ZNF609: variants seen among roughly 807,000 people sequenced by gnomAD.
ZNF609 encodes the protein zinc finger protein 609.
In ZNF609, 11 loss-of-function variants were observed where a neutral mutation model predicts 109.5. That is an observed-to-expected ratio of 0.10 (90% CI 0.06 to 0.17). ZNF609 has a LOEUF of 0.17. ZNF609 is among the 10% of genes least tolerant of loss of function. The pLI, the probability that ZNF609 is intolerant of heterozygous loss-of-function variation, is 1.00. For synonymous variants in ZNF609, 646 were observed against 662.0 expected, an observed-to-expected ratio of 0.98 and a Z score of 0.37; for missense variants, 1,559 against 1,772.4, an observed-to-expected ratio of 0.88 and a Z score of 2.16.
At chr15:64,538,933 C>A (rs1894198265) in intron 2 of ZNF609, among the ~76,000 whole-genome samples, 1 of 152,160 alleles carries the variant, frequency 6.6e-6, no homozygotes. Flanking sequence ...TTCCTGGGCT[C>A]ACGCAATCGT....
chr15:64,531,461 A>C (rs1894059799), intron 2 of ZNF609, among the ~76,000 whole-genome samples: 1 of 152,196 alleles, frequency 6.6e-6, no homozygotes, highest in Non-Finnish European at 1.5e-5. Context: ...CAGTGGCGAC[A>C]ATCATGGCTC....
intron 2 of ZNF609, among the ~76,000 whole-genome samples, chr15:64,542,343 T>C (rs572032210): frequency 6.6e-6 from 1 of 152,292 alleles, no homozygotes; most frequent in South Asian, 2.1e-4. Flanking sequence ...ATTTTTCAAG[T>C]AGTTAATGTG....
chr15:64,585,127 C>T (rs1895175162), intron 2 of ZNF609, among the ~76,000 whole-genome samples: 1 of 151,584 alleles, frequency 6.6e-6, no homozygotes, highest in South Asian at 2.1e-4. Context: ...GAGTTTGAGA[C>T]CATCCTGGCC....
At chr15:64,509,603 A>G (rs1463043372) in intron 2 of ZNF609, among the ~76,000 whole-genome samples, 1 of 152,234 alleles carries the variant, frequency 6.6e-6, no homozygotes, top group East Asian at 1.9e-4. Flanking sequence ...AGATTGATTC[A>G]GAGCATTTGG....
intron 2 of ZNF609, chr15:64,529,285 G>C (rs1894019338): frequency 1.4e-6 from 1 of 716,092 alleles, no homozygotes; most frequent in Admixed American, 1.8e-5. Context: ...ACAAACATGG[G>C]GGCATCAACA....
intron 2 of ZNF609, among the ~76,000 whole-genome samples, chr15:64,547,880 C>A (rs1309625093): frequency 2.0e-5 from 3 of 152,050 alleles, no homozygotes; most frequent in Non-Finnish European, 4.4e-5. Flanking sequence ...TGAGGCAAAG[C>A]AGGAGGACGG....
rs142278691 is a variant in ZNF609, at chr15:64,645,717, G to GT, written c.973+22666dup. On this transcript the variant is annotated intron_variant, in intron 3 of 9. Coordinates refer to ENST00000326648, the MANE Select transcript of ZNF609 (RefSeq NM_015042.2). ...CAAACAACCTAATTCAAAAATGCGC[G>GT]TAAGACTTGAATAGACATTTTGCCA... Among the ~76,000 whole-genome samples, 1,355 of 152,134 alleles carry GT rather than the reference G, an allele frequency of 8.9e-3. 23 individuals are homozygous for GT. The highest frequency in any genetic ancestry group is 0.031 in the African/African-American group (1,290 of 41,518).
chr15:64,563,986 C>A (rs796783015), intron 2 of ZNF609, among the ~76,000 whole-genome samples: 1 of 151,972 alleles, frequency 6.6e-6, no homozygotes, highest in Admixed American at 6.6e-5. Context: ...TGGGTTCAAG[C>A]GATTCTCCTG....
At chr15:64,573,477 C>A (rs1163946672) in intron 2 of ZNF609, among the ~76,000 whole-genome samples, 1 of 150,890 alleles carries the variant, frequency 6.6e-6, no homozygotes, top group Non-Finnish European at 1.5e-5. Flanking sequence ...GCCTCAGCCT[C>A]CCGAGTAGCT....
chr15:64,670,294 C>T (rs1471134416), intron 3 of ZNF609, 52 bp from the exon 4 acceptor site: 15 of 1,441,898 alleles, frequency 1.0e-5, no homozygotes, highest in South Asian at 2.3e-5. Flanking sequence ...ATACTATTCT[C>T]AGTGGCAAAT....
At chr15:64,637,062 G>A (rs1896187349) in intron 3 of ZNF609, among the ~76,000 whole-genome samples, 1 of 151,960 alleles carries the variant, frequency 6.6e-6, no homozygotes, top group African/African-American at 2.4e-5. Context: ...CCTTCTAATA[G>A]CTAGCCCTTC....
Position 64,681,382 on chromosome 15 carries a change from AGAAT to A in ZNF609, c.*2_*5del. 6.2e-7 allele frequency: 1 copy of A among 1,613,560 alleles called. No homozygotes were observed. The highest frequency in any genetic ancestry group is 1.3e-5 in the African/African-American group (1 of 75,000). ...CACTCTACCCACCCCCCAGGAGGTG[AGAAT>A]GGTAAGTCACTTTTATTAATTTGGG... On this transcript the variant is annotated splice_region_variant and 3_prime_UTR_variant, in exon 9 of 10. Coordinates refer to ENST00000326648, the MANE Select transcript of ZNF609 (RefSeq NM_015042.2).
rs527853737 is a variant in ZNF609 at position 64,683,851 on chromosome 15, C to A, written c.*2165C>A. ...TAAAGAAACCGTTAGGAGTAATTTT[C>A]TTTTGCATTGGGCAGGCATGGCCCT... is the stretch of plus-strand genomic sequence containing the variant. On this transcript the variant is annotated 3_prime_UTR_variant, in exon 10 of 10. Coordinates refer to ENST00000326648, the MANE Select transcript of ZNF609 (RefSeq NM_015042.2). The A allele has an allele frequency of 2.0e-5, 3 of 152,366 alleles. No homozygotes were observed. 9.4% of individuals were successfully genotyped at this position (152,366 alleles called of 1,614,324 possible).
In ZNF609 at chr15:64,674,534, C is replaced by G; in HGVS notation, c.1680C>G (p.Ser560=). ...CTGTCTCACAAAAAGGTTCCTTGTC[C>G]CCTGCCCGCTCAGCTACCCCCAAAG... is the stretch of plus-strand genomic sequence containing the variant. ...GASVSQKGSL[S]PARSATPKVR... is the part of the protein sequence containing the mutation. Residue 560 remains serine (S), a synonymous_variant, in exon 5 of 10, where the codon TCC becomes TCG. Transcript: ENST00000326648. 6.2e-7 allele frequency: 1 copy of G among 1,614,058 alleles called. No homozygotes were observed. The highest frequency in any genetic ancestry group is 1.7e-5 in the Admixed American group (1 of 60,012).
intron 3 of ZNF609, among the ~76,000 whole-genome samples, chr15:64,636,153 T>C (rs1896171142): frequency 6.6e-6 from 1 of 151,930 alleles, no homozygotes. Flanking sequence ...ACCAAGCCCA[T>C]GTACTTTCAA....
rs1311190169 is a variant in ZNF609 at position 64,683,328 on chromosome 15, G to C, written c.*1642G>C. On this transcript the variant is annotated 3_prime_UTR_variant, in exon 10 of 10. Transcript: ENST00000326648. ...GACTCAGTTTGGAAAATGGGAAATA[G>C]GGGACAGTAAGCACAATGCCCAGTA... 1.3e-5 allele frequency: 2 copies of C among 152,640 alleles called. No homozygotes were observed. Among genetic ancestry groups the C allele is most frequent in the East Asian group, 1.9e-4 (1 of 5,202 alleles). The allele number at this position is 152,640 out of a possible 1,614,324, so 9.5% of individuals were successfully genotyped here.
intron 2 of ZNF609, among the ~76,000 whole-genome samples, chr15:64,592,087 C>T (rs1895308720): frequency 6.6e-6 from 1 of 151,458 alleles, no homozygotes; most frequent in South Asian, 2.1e-4. Context: ...ATCACTGGAG[C>T]TCTGGGGGTC....
upstream of ZNF609, among the ~76,000 whole-genome samples, chr15:64,460,165 C>T (rs779466925): frequency 4.6e-5 from 7 of 151,742 alleles, no homozygotes; most frequent in Admixed American, 6.6e-5. Flanking sequence ...TTGTGGATGC[C>T]CATGTTCAGA....
At chr15:64,501,197 T>A (rs888230636) in intron 2 of ZNF609, 8 of 152,182 alleles carry the variant, frequency 5.3e-5, no homozygotes, top group African/African-American at 1.9e-4. Flanking sequence ...GATTTCTCTG[T>A]AATTAGATCA....
Sources: allele counts gnomAD v4.1 joint callset (sites outside exome capture counted in the v4.1 genomes callset), GRCh38; gene constraint gnomAD v4.1.1; transcripts MANE v1.5; gene names NCBI Gene and HGNC (gene_info 2026-07-23, HGNC 2026-07-21).